The following ARHGAP26 variants were observed in gnomAD, a reference collection of about 807,000 sequenced individuals.
ARHGAP26 encodes Rho GTPase activating protein 26, also known as rho GTPase-activating protein 26.
ARHGAP26 carries 38 observed loss-of-function variants against 104.8 expected under a neutral mutation model. That is an observed-to-expected ratio of 0.36 (90% CI 0.28 to 0.48). The LOEUF is 0.48. Among genes scored for constraint, ARHGAP26 ranks in the 20% least tolerant of loss-of-function variants. The pLI, the probability that ARHGAP26 is intolerant of heterozygous loss-of-function variation, is 0.99. For synonymous variants in ARHGAP26, 341 were observed against 340.0 expected (o/e 1.00, Z -0.03); for missense variants, 704 against 947.9 (o/e 0.74, Z 3.38).
chr5:143,088,325 G>A (rs1242237236), intron 17 of ARHGAP26, among the ~76,000 whole-genome samples: 1 of 152,172 alleles, frequency 6.6e-6, no homozygotes, highest in East Asian at 1.9e-4. Flanking sequence ...ACTTGTTATA[G>A]TGGGACATAT....
chr5:142,891,207 C>T (rs1166139322), intron 5 of ARHGAP26, among the ~76,000 whole-genome samples: 1 of 151,996 alleles, frequency 6.6e-6, no homozygotes, highest in African/African-American at 2.4e-5. Context: ...TAAGCAGCCA[C>T]ACGATGCAGG....
chr5:143,100,530 G>T (rs1474001104), intron 17 of ARHGAP26, among the ~76,000 whole-genome samples: 1 of 152,242 alleles, frequency 6.6e-6, no homozygotes, highest in African/African-American at 2.4e-5. Context: ...ACTGGACATT[G>T]TTTCTTGTAC....
intron 19 of ARHGAP26, among the ~76,000 whole-genome samples, chr5:143,140,168 C>G (rs896025198): frequency 6.6e-6 from 1 of 152,136 alleles, no homozygotes; most frequent in Admixed American, 6.5e-5. Context: ...TTAAAGCACC[C>G]TAGTGATACT....
intron 4 of ARHGAP26, among the ~76,000 whole-genome samples, chr5:142,881,974 C>T (rs143872535): frequency 2.9e-4 from 44 of 152,310 alleles, no homozygotes; most frequent in Admixed American, 1.1e-3. Context: ...TGCTAATGTG[C>T]TACTCTGGAG....
intron 20 of ARHGAP26, among the ~76,000 whole-genome samples, chr5:143,167,956 A>G (rs988121307): frequency 2.6e-5 from 4 of 152,224 alleles, no homozygotes; most frequent in African/African-American, 7.2e-5. Context: ...ACGATGAGAA[A>G]TAACAGAAAC....
intron 11 of ARHGAP26, among the ~76,000 whole-genome samples, chr5:142,963,796 C>T (rs145293156): frequency 2.0e-5 from 3 of 152,154 alleles, no homozygotes; most frequent in Admixed American, 6.5e-5. Context: ...ATTCCTCTCC[C>T]TCCTTTAGAA....
At chr5:142,994,857 G>A (rs1011723571) in intron 11 of ARHGAP26, among the ~76,000 whole-genome samples, 4 of 152,212 alleles carry the variant, frequency 2.6e-5, no homozygotes, top group Non-Finnish European at 5.9e-5. Flanking sequence ...ATGAGGCACA[G>A]AGAAATGTCA....
At chr5:143,003,619 T>C (rs1222226212) in intron 11 of ARHGAP26, among the ~76,000 whole-genome samples, 1 of 152,188 alleles carries the variant, frequency 6.6e-6, no homozygotes, top group Non-Finnish European at 1.5e-5. Flanking sequence ...GAATATAGAC[T>C]GTAGGAGCAG....
At chr5:143,043,311 G>A (rs1425777522) in intron 14 of ARHGAP26, among the ~76,000 whole-genome samples, 1 of 152,122 alleles carries the variant, frequency 6.6e-6, no homozygotes, top group Non-Finnish European at 1.5e-5. Flanking sequence ...AGAACCTTTT[G>A]GGATTGGCAT....
intron 17 of ARHGAP26, among the ~76,000 whole-genome samples, chr5:143,120,223 G>C (rs1333951813): frequency 6.6e-6 from 1 of 152,168 alleles, no homozygotes; most frequent in East Asian, 1.9e-4. Flanking sequence ...GGTCCTGGTG[G>C]CCTGGGTATG....
chr5:142,929,897 G>T (rs1050845541), intron 10 of ARHGAP26, among the ~76,000 whole-genome samples: 3 of 152,196 alleles, frequency 2.0e-5, no homozygotes, highest in Non-Finnish European at 4.4e-5. Flanking sequence ...AGAAAGGAGG[G>T]TAACTTTGCT....
chr5:143,165,909 G>C (rs183544984), intron 20 of ARHGAP26: 4 of 549,000 alleles, frequency 7.3e-6, no homozygotes, highest in Admixed American at 4.1e-5. Context: ...TACCTCCTAG[G>C]GTTGTTAGGA....
intron 11 of ARHGAP26, among the ~76,000 whole-genome samples, chr5:142,976,671 A>C (rs1773144214): frequency 6.6e-6 from 1 of 152,210 alleles, no homozygotes; most frequent in South Asian, 2.1e-4. Flanking sequence ...CATGCCAAAA[A>C]TACAAATTGA....
intron 11 of ARHGAP26, chr5:142,946,549 G>A (rs908685781): frequency 6.6e-6 from 1 of 152,082 alleles, no homozygotes; most frequent in African/African-American, 2.4e-5. Flanking sequence ...GTCAATTTCT[G>A]CAGCTTTTTC....
intron 18 of ARHGAP26, 39 bp downstream of exon 18, chr5:143,121,186 T>C: frequency 3.1e-6 from 5 of 1,591,972 alleles, no homozygotes; most frequent in Non-Finnish European, 1.7e-6. Context: ...AGAATGTACC[T>C]GGGGGGAAGC....
chr5:143,073,188 TAAAC>T (rs1303284488), intron 17 of ARHGAP26, among the ~76,000 whole-genome samples: 1 of 152,192 alleles, frequency 6.6e-6, no homozygotes, highest in African/African-American at 2.4e-5. Context: ...GAATTCCTAA[TAAAC>T]TAATCCATAA....
At chr5:143,028,455 T>C (rs1781388042) in intron 12 of ARHGAP26, among the ~76,000 whole-genome samples, 1 of 152,254 alleles carries the variant, frequency 6.6e-6, no homozygotes, top group African/African-American at 2.4e-5. Flanking sequence ...AGACTTACCC[T>C]ATGGGGTTAT....
At chr5:143,144,168 C>T (rs1599216876) in intron 19 of ARHGAP26, among the ~76,000 whole-genome samples, 1 of 152,174 alleles carries the variant, frequency 6.6e-6, no homozygotes, top group Non-Finnish European at 1.5e-5. Flanking sequence ...AACATAATTG[C>T]CATCAGTCCT....
chr5:143,222,243 TCATACACACACA>T, intron 22 of ARHGAP26, 103 bp from the exon 23 acceptor site: 3 of 480,790 alleles, frequency 6.2e-6, no homozygotes, highest in South Asian at 6.4e-5. Flanking sequence ...CAAGCTTCCT[TCATACACACACA>T]CACACACACA....
Sources: gnomAD v4.1 joint callset for allele counts (sites outside exome capture counted in the v4.1 genomes callset) on GRCh38, gnomAD v4.1.1 for gene constraint, MANE v1.5 for transcripts, NCBI Gene and HGNC (gene_info 2026-07-23, HGNC 2026-07-21) for gene names.